CEP170: variants seen among roughly 807,000 people sequenced by gnomAD.
CEP170 encodes the protein centrosomal protein of 170 kDa.
A neutral mutation model predicts 151.9 loss-of-function variants in CEP170; 21 were observed. That is an observed-to-expected ratio of 0.14 (90% CI 0.10 to 0.20). The LOEUF is 0.20. Among genes scored for constraint, CEP170 ranks in the 10% least tolerant of loss-of-function variants. The pLI, the probability that CEP170 is intolerant of heterozygous loss-of-function variation, is 1.00. For missense variants in CEP170, 964 were observed against 1,892.9 expected (o/e 0.51, Z 9.11); for synonymous variants, 356 against 648.8 (o/e 0.55, Z 6.86).
intron 13 of CEP170, among the ~76,000 whole-genome samples, chr1:243,158,198 C>A (rs1163950953): frequency 6.6e-6 from 1 of 151,904 alleles, no homozygotes; most frequent in Non-Finnish European, 1.5e-5. Context: ...ATACGGCAGG[C>A]AAAATCAGAA....
At chr1:243,152,521 A>ATTTTTTTTTT (rs371392454) in intron 14 of CEP170, among the ~76,000 whole-genome samples, 3 of 54,934 alleles carry the variant, frequency 5.5e-5, no homozygotes, top group African/African-American at 1.5e-4. Flanking sequence ...GCGCCCAGCC[A>ATTTTTTTTTT]TTTTTTTTTT....
At chr1:243,254,285 G>GC (rs918983559) in intron 1 of CEP170, 14 of 152,000 alleles carry the variant, frequency 9.2e-5, no homozygotes, top group African/African-American at 3.4e-4. Flanking sequence ...ACGTCTTCCC[G>GC]CCCTGTGTTA....
intron 1 of CEP170, among the ~76,000 whole-genome samples, chr1:243,252,476 A>G (rs886136550): frequency 3.9e-5 from 6 of 152,204 alleles, no homozygotes; most frequent in African/African-American, 1.4e-4. Context: ...ACAATAATAA[A>G]ACTAGTTCTT....
At position 243,191,270 on chromosome 1, in the gene CEP170, C is replaced by T; in HGVS notation, c.856G>A (p.Asp286Asn). 1 of 1,611,598 alleles carries T rather than the reference C, an allele frequency of 6.2e-7. No individual in the cohort carries two copies. Among genetic ancestry groups the T allele is most frequent in the East Asian group, 2.2e-5 (1 of 44,834 alleles). The change falls in exon 8 of 20, where the codon GAC (aspartate) becomes AAC (asparagine). Residue 286 changes from aspartate to asparagine, a missense_variant. Coordinates refer to ENST00000366542, the MANE Select transcript of CEP170 (RefSeq NM_014812.3). ...GHASFTIEFDDSTPGKVTIRD... is the reference protein window; with the variant it reads ...GHASFTIEFDNSTPGKVTIRD... Reference sequence around the variant, plus strand: ...ATAGTTACCTTCCCTGGGGTACTGTCATCAAATTCAATGGTAAATGAAGCA... The same window carrying T: ...ATAGTTACCTTCCCTGGGGTACTGTTATCAAATTCAATGGTAAATGAAGCA...
chr1:243,255,542 A>T (rs2066558373), upstream of CEP170, among the ~76,000 whole-genome samples: 1 of 152,254 alleles, frequency 6.6e-6, no homozygotes, highest in Non-Finnish European at 1.5e-5. Context: ...GTTGCTGGGC[A>T]TGCTAGGAGT....
At chr1:243,141,680 T>C (rs1217691393) in intron 15 of CEP170, among the ~76,000 whole-genome samples, 3 of 152,372 alleles carry the variant, frequency 2.0e-5, no homozygotes, top group East Asian at 1.9e-4. Flanking sequence ...AGCAATGTTA[T>C]GCAAATGGTG....
chr1:243,246,994 T>C (rs1267597738), intron 1 of CEP170, among the ~76,000 whole-genome samples: 2 of 152,150 alleles, frequency 1.3e-5, no homozygotes, highest in African/African-American at 4.8e-5. Flanking sequence ...CCAAAATAAG[T>C]ATTTTGCACT....
At chr1:243,197,228 TGAAGGGA>T (rs2060716638) in intron 7 of CEP170, among the ~76,000 whole-genome samples, 1 of 151,916 alleles carries the variant, frequency 6.6e-6, no homozygotes, top group Admixed American at 6.6e-5. Flanking sequence ...ACAGACAAGG[TGAAGGGA>T]AGGGAACACT....
chr1:243,126,786 T>A, intron 19 of CEP170, 48 bp from the exon 20 acceptor site: 1 of 1,503,418 alleles, frequency 6.7e-7, no homozygotes, highest in Non-Finnish European at 8.9e-7. Flanking sequence ...TACATTCACA[T>A]ATAAACACTG....
chr1:243,244,922 A>G (rs2065224807), intron 1 of CEP170, among the ~76,000 whole-genome samples: 1 of 152,198 alleles, frequency 6.6e-6, no homozygotes, highest in Admixed American at 6.5e-5. Context: ...ATGTAGTGAG[A>G]TTATTTCATA....
At position 243,128,590 on chromosome 1, in the gene CEP170, C is replaced by T. The variant is rs1407942138; in HGVS notation, c.4414-290G>A. 36 of 267,372 alleles carry T rather than the reference C, an allele frequency of 1.3e-4. No homozygotes were observed. In the Admixed American group the frequency reaches 1.7e-3, roughly 13 times the overall value. The allele number at this position is 267,372 out of a possible 1,614,324, so 16.6% of individuals were successfully genotyped here. ...AGCAAAGATTTTTTTTTTTTGAGAC[C>T]GAGTCTCACTCTGTCGCCCAGACTG... On this transcript the variant is annotated intron_variant, in intron 18 of 19. Coordinates refer to ENST00000366542, the MANE Select transcript of CEP170 (RefSeq NM_014812.3).
rs762583781 is a variant in CEP170 at position 243,221,787 on chromosome 1, A to C, written c.132T>G (p.Ala44=). The C allele has an allele frequency of 5.6e-6, 9 of 1,612,666 alleles. No individual in the cohort carries two copies. In the Admixed American group the frequency reaches 1.5e-4, roughly 27 times the overall value. The change falls in exon 3 of 20, where the codon GCT becomes GCG. Residue 44 remains alanine, a synonymous_variant. Coordinates refer to ENST00000366542, the MANE Select transcript of CEP170 (RefSeq NM_014812.3). ...CCGTAGACGCATCATAGTTGATGAC[A>C]GCGTGTTGCTTATCCACACTACGAG... The part of the protein sequence containing the change: ...LQSRSVDKQH[A]VINYDASTDE...
chr1:243,172,575 T>C lies in CEP170; in HGVS notation c.1716+122A>G, dbSNP rs751860313. The C allele has an allele frequency of 7.1e-6, 5 of 699,538 alleles. No homozygotes were observed. In the African/African-American group the frequency reaches 9.3e-5, roughly 13 times the overall value. 43.3% of individuals were successfully genotyped at this position (699,538 alleles called of 1,614,324 possible). ...TGAACTCAGACGGCAGAGGCTGCAGTGAGCCGAGATCCTGCCATTGCACTC... is the reference window on the plus strand; with the variant it reads ...TGAACTCAGACGGCAGAGGCTGCAGCGAGCCGAGATCCTGCCATTGCACTC... On this transcript the variant is annotated intron_variant, in intron 11 of 19. Transcript: ENST00000366542.
At chr1:243,200,496 C>T in intron 6 of CEP170, 22 bp downstream of exon 6, 11 of 1,575,710 alleles carry the variant, frequency 7.0e-6, no homozygotes, top group Non-Finnish European at 9.5e-6. Context: ...TAAAGATGGT[C>T]TTTCGAGAGA....
At chr1:243,176,117 T>A (rs2059233262) in intron 10 of CEP170, among the ~76,000 whole-genome samples, 1 of 152,066 alleles carries the variant, frequency 6.6e-6, no homozygotes, top group Admixed American at 6.6e-5. Context: ...TCCAACATAG[T>A]ATCTCACCTC....
At chr1:243,240,973 G>C (rs1202433441) in intron 1 of CEP170, among the ~76,000 whole-genome samples, 1 of 152,192 alleles carries the variant, frequency 6.6e-6, no homozygotes, top group Non-Finnish European at 1.5e-5. Context: ...GATTACAGGT[G>C]TAAGCCACCG....
intron 1 of CEP170, among the ~76,000 whole-genome samples, chr1:243,230,072 C>T (rs761671129): frequency 2.2e-4 from 34 of 152,110 alleles, no homozygotes; most frequent in Non-Finnish European, 3.5e-4. Flanking sequence ...TAGTTCTCAC[C>T]GGGCATGGTA....
At chr1:243,182,032 G>A (rs1240951101) in intron 10 of CEP170, among the ~76,000 whole-genome samples, 3 of 152,144 alleles carry the variant, frequency 2.0e-5, no homozygotes, top group Admixed American at 2.0e-4. Context: ...GTTGGGAGGT[G>A]AGGCCTAATG....
chr1:243,238,778 A>G (rs941154446), intron 1 of CEP170, among the ~76,000 whole-genome samples: 1 of 152,210 alleles, frequency 6.6e-6, no homozygotes, highest in Non-Finnish European at 1.5e-5. Flanking sequence ...AGTCAAAGTA[A>G]TTTTTGGAAT....
Sources: allele counts gnomAD v4.1 joint callset (sites outside exome capture counted in the v4.1 genomes callset), GRCh38; gene constraint gnomAD v4.1.1; transcripts MANE v1.5; gene names NCBI Gene and HGNC (gene_info 2026-07-23, HGNC 2026-07-21).